The following STARD13 variants were observed in gnomAD, a reference collection of about 807,000 sequenced individuals.
STARD13 encodes stAR-related lipid transfer protein 13.
Under a neutral mutation model 106.4 loss-of-function variants are expected in STARD13, and 62 were observed. The ratio of observed to expected loss-of-function variants is 0.58; its 90% confidence interval spans 0.48 to 0.72. The LOEUF is 0.72. Among genes scored for constraint, STARD13 ranks in the 30% least tolerant of loss-of-function variants. STARD13 has a pLI of 0.00. For synonymous variants in STARD13, 565 were observed against 553.0 expected, an observed-to-expected ratio of 1.02 and a Z score of -0.31; for missense variants, 1,387 against 1,424.0, an observed-to-expected ratio of 0.97 and a Z score of 0.42.
At chr13:33,453,327 T>C in the STARD13 span, among the ~76,000 whole-genome samples, 1 of 152,198 alleles carries the variant, frequency 6.6e-6, no homozygotes, top group Non-Finnish European at 1.5e-5. Flanking sequence ...AGAGAATAAC[T>C]GGGTCACCAA....
chr13:33,604,143 A>C, the STARD13 span, among the ~76,000 whole-genome samples: 2 of 152,198 alleles, frequency 1.3e-5, no homozygotes, highest in African/African-American at 4.8e-5. Flanking sequence ...TGAATGGCAA[A>C]ATAGTTCTGA....
At position 33,165,323 on chromosome 13, in the gene STARD13, T is replaced by C. The variant is rs1284969359; in HGVS notation, c.323+14A>G. ...GAACAGTGGAAAGAAACAAAAATAC[T>C]TCACATGGTTTACCTGCAAAGAGGT... On this transcript the variant is annotated intron_variant, in intron 3 of 13. Transcript: ENST00000336934. The C allele has an allele frequency of 2.5e-6, 4 of 1,599,432 alleles. No individual in the cohort carries two copies. Among genetic ancestry groups the C allele is most frequent in the Non-Finnish European group, 3.4e-6 (4 of 1,166,832 alleles).
At chr13:33,213,789 C>T (rs1436725786) in intron 1 of STARD13, among the ~76,000 whole-genome samples, 1 of 152,214 alleles carries the variant, frequency 6.6e-6, no homozygotes, top group Non-Finnish European at 1.5e-5. Context: ...AACCTTTTAC[C>T]TGTATATCAA....
the STARD13 span, among the ~76,000 whole-genome samples, chr13:33,548,687 A>G: frequency 6.6e-6 from 1 of 152,194 alleles, no homozygotes; most frequent in Non-Finnish European, 1.5e-5. Context: ...ATAAAATAAA[A>G]CTAACTTGGA....
At chr13:33,483,982 G>A in the STARD13 span, among the ~76,000 whole-genome samples, 1 of 152,182 alleles carries the variant, frequency 6.6e-6, no homozygotes, top group Non-Finnish European at 1.5e-5. Context: ...TTTATATAAA[G>A]TGTAAAAATT....
At chr13:33,517,510 G>A in the STARD13 span, among the ~76,000 whole-genome samples, 1 of 152,162 alleles carries the variant, frequency 6.6e-6, no homozygotes, top group African/African-American at 2.4e-5. Context: ...TGGCCCTGAA[G>A]GCAGAATTGA....
the STARD13 span, among the ~76,000 whole-genome samples, chr13:33,617,194 T>C: frequency 6.6e-6 from 1 of 152,344 alleles, no homozygotes; most frequent in South Asian, 2.1e-4. Context: ...ATCACTTAGT[T>C]TGTGATCATG....
intron 3 of STARD13, among the ~76,000 whole-genome samples, chr13:33,153,404 T>G (rs1881545560): frequency 6.6e-6 from 1 of 152,056 alleles, no homozygotes; most frequent in Non-Finnish European, 1.5e-5. Flanking sequence ...GCCCAGGGCC[T>G]GGGAGGATGG....
intron 1 of STARD13, among the ~76,000 whole-genome samples, chr13:33,237,572 C>G (rs1201841192): frequency 6.6e-6 from 1 of 152,224 alleles, no homozygotes; most frequent in Non-Finnish European, 1.5e-5. Context: ...TCTTGCTTCT[C>G]CAGTTAATCC....
At chr13:33,362,635 C>T in the STARD13 span, among the ~76,000 whole-genome samples, 713 of 151,688 alleles carry the variant, frequency 4.7e-3, 4 homozygotes, top group African/African-American at 0.016. Flanking sequence ...ACAACGTCAA[C>T]CACCACCACA....
At chr13:33,444,120 C>T in the STARD13 span, among the ~76,000 whole-genome samples, 1 of 152,104 alleles carries the variant, frequency 6.6e-6, no homozygotes, top group Non-Finnish European at 1.5e-5. Flanking sequence ...TGTCTCTCGA[C>T]CACCAGTGGG....
chr13:33,366,045 T>G, the STARD13 span, among the ~76,000 whole-genome samples: 1 of 152,056 alleles, frequency 6.6e-6, no homozygotes, highest in African/African-American at 2.4e-5. The surrounding 1 kb of genome is among the most constrained non-coding windows in gnomAD (Gnocchi z 4.2). Context: ...TAGAGACTTT[T>G]ATCACTAAAA....
At chr13:33,597,931 G>T in the STARD13 span, among the ~76,000 whole-genome samples, 2 of 152,002 alleles carry the variant, frequency 1.3e-5, no homozygotes, top group Admixed American at 6.5e-5. Flanking sequence ...AAATGTTGAT[G>T]GCTATTATTT....
rs370221080 is a variant in STARD13 at position 33,153,135 on chromosome 13, C to T, written c.324-10762G>A. Among the ~76,000 whole-genome samples the T allele has an allele frequency of 1.2e-4, 19 of 152,260 alleles. No homozygotes were observed. The East Asian group carries it at 2.5e-3, about 20-fold the overall frequency. ...AAGATGCCATCAAGTAATTTGAGAA[C>T]TGACAGGCTGTTTTCTTCCAGGTTC... is the stretch of plus-strand genomic sequence containing the variant. On this transcript the variant is annotated intron_variant, in intron 3 of 13. Coordinates refer to ENST00000336934, the MANE Select transcript of STARD13 (RefSeq NM_178006.4).
chr13:33,496,504 T>C, the STARD13 span, among the ~76,000 whole-genome samples: 1 of 151,936 alleles, frequency 6.6e-6, no homozygotes, highest in Non-Finnish European at 1.5e-5. Flanking sequence ...CTCCCTAACT[T>C]ATCATCCCAC....
chr13:33,338,201 T>C (rs77589794), intron 1 of STARD13, among the ~76,000 whole-genome samples: 8,267 of 152,260 alleles, frequency 0.054, 317 homozygotes, highest in Middle Eastern at 0.12. Context: ...CTGCCCTTTC[T>C]CTCAACTATC....
chr13:33,674,702 T>C, the STARD13 span, among the ~76,000 whole-genome samples: 1 of 152,026 alleles, frequency 6.6e-6, no homozygotes, highest in Non-Finnish European at 1.5e-5. Context: ...ATAAAGAAAG[T>C]GTCATCTTTA....
At chr13:33,384,446 C>T in the STARD13 span, among the ~76,000 whole-genome samples, 1 of 152,148 alleles carries the variant, frequency 6.6e-6, no homozygotes, top group Non-Finnish European at 1.5e-5. Context: ...CTTAAGAGTA[C>T]TCTGTGTCCA....
the STARD13 span, among the ~76,000 whole-genome samples, chr13:33,376,230 G>GTCAT: frequency 6.6e-6 from 1 of 150,934 alleles, no homozygotes; most frequent in Non-Finnish European, 1.5e-5. Context: ...TGAAGTGATA[G>GTCAT]TCATTCATTC....
Sources: gnomAD v4.1 joint callset for allele counts (sites outside exome capture counted in the v4.1 genomes callset) on GRCh38, gnomAD v4.1.1 for gene constraint, Gnocchi (gnomAD v3.1) non-coding constraint, MANE v1.5 for transcripts, NCBI Gene and HGNC (gene_info 2026-07-23, HGNC 2026-07-21) for gene names.